Variants in KCNH1 observed in about 807,000 individuals in gnomAD.
The protein encoded by KCNH1 is potassium voltage-gated channel subfamily H member 1.
Under a neutral mutation model 69.2 loss-of-function variants are expected in KCNH1, and 27 were observed. The observed-to-expected ratio is 0.39, with a 90% confidence interval of 0.29 to 0.54. The LOEUF (loss-of-function observed/expected upper bound fraction) is 0.54. Ranked by LOEUF, KCNH1 falls within the 20% of genes least tolerant of loss-of-function variation. The pLI is 0.68. For missense variants in KCNH1, 798 were observed against 1,261.6 expected, an observed-to-expected ratio of 0.63 and a Z score of 5.57; for synonymous variants, 456 against 487.7, an observed-to-expected ratio of 0.93 and a Z score of 0.86.
intron 7 of KCNH1, among the ~76,000 whole-genome samples, chr1:210,897,616 A>G (rs1686899179): frequency 6.6e-6 from 1 of 152,210 alleles, no homozygotes; most frequent in African/African-American, 2.4e-5. Context: ...AGGATAATTT[A>G]CTGAGATCTT....
At chr1:210,995,757 C>G (rs1198661825) in intron 6 of KCNH1, among the ~76,000 whole-genome samples, 2 of 152,172 alleles carry the variant, frequency 1.3e-5, no homozygotes, top group African/African-American at 4.8e-5. Context: ...GTCAGGCCAA[C>G]AGAGATTTTG....
intron 1 of KCNH1, among the ~76,000 whole-genome samples, chr1:211,110,973 G>A (rs1268991598): frequency 6.6e-6 from 1 of 151,852 alleles, no homozygotes; most frequent in African/African-American, 2.4e-5. Flanking sequence ...ATGGGAGGAG[G>A]GACAAGGCAT....
chr1:210,874,302 A>G (rs985485067), intron 7 of KCNH1, among the ~76,000 whole-genome samples: 7 of 152,212 alleles, frequency 4.6e-5, no homozygotes, highest in African/African-American at 7.2e-5. Flanking sequence ...AAGACATCTC[A>G]CAATGTAAGA....
In KCNH1 at chr1:211,107,390, A is replaced by T; in HGVS notation, c.80-13T>A. The T allele has an allele frequency of 6.3e-7, 1 of 1,599,632 alleles. No homozygotes were observed. On this transcript the variant is annotated splice_polypyrimidine_tract_variant and intron_variant, in intron 1 of 10. Coordinates refer to ENST00000271751, the MANE Select transcript of KCNH1 (RefSeq NM_172362.3). ...ACAAAATTAGTATCTGTTAAAAAAA[A>T]AAAAAAGGGAAAAAAGGGCACATGA...
intron 7 of KCNH1, among the ~76,000 whole-genome samples, chr1:210,917,229 G>GAGAA (rs1187754589): frequency 0.034 from 2,697 of 78,562 alleles, 72 homozygotes; most frequent in Non-Finnish European, 0.04. Context: ...GAGAGAGAGA[G>GAGAA]AGAAAGAAAG....
intron 5 of KCNH1, among the ~76,000 whole-genome samples, chr1:211,030,651 G>C (rs563763352): frequency 6.6e-6 from 1 of 151,304 alleles, no homozygotes; most frequent in African/African-American, 2.4e-5. Flanking sequence ...AACTAAAAAA[G>C]TTTTTTTTAG....
intron 1 of KCNH1, 85 bp from the exon 2 acceptor site, chr1:211,107,462 C>G: frequency 7.4e-7 from 1 of 1,357,488 alleles, no homozygotes; most frequent in Non-Finnish European, 1.0e-6. Flanking sequence ...TAATGTCAAG[C>G]AATCCAGATA....
intron 7 of KCNH1, among the ~76,000 whole-genome samples, chr1:210,846,854 A>T (rs1166727284): frequency 6.6e-6 from 1 of 152,214 alleles, no homozygotes; most frequent in East Asian, 1.9e-4. Flanking sequence ...TAATATCCAG[A>T]ATCTACAATG....
intron 5 of KCNH1, among the ~76,000 whole-genome samples, chr1:211,037,767 A>G (rs1236630021): frequency 6.6e-6 from 1 of 152,068 alleles, no homozygotes; most frequent in Non-Finnish European, 1.5e-5. Flanking sequence ...ACCTTGTGAT[A>G]TGGTTTGGCT....
chr1:211,077,889 G>A (rs567577035), intron 5 of KCNH1, among the ~76,000 whole-genome samples: 1 of 151,582 alleles, frequency 6.6e-6, no homozygotes, highest in Admixed American at 6.6e-5. Flanking sequence ...ACACATATAG[G>A]CTCAAAATAA....
intron 6 of KCNH1, among the ~76,000 whole-genome samples, chr1:210,970,744 T>C (rs1048235265): frequency 7.2e-5 from 11 of 152,054 alleles, no homozygotes; most frequent in Admixed American, 7.2e-4. Flanking sequence ...GATTTTATGA[T>C]GAAATCACCA....
chr1:211,090,713 G>A (rs776247182), intron 3 of KCNH1, 23 bp from the exon 4 acceptor site: 2 of 1,590,296 alleles, frequency 1.3e-6, no homozygotes, highest in Admixed American at 1.9e-5. Context: ...TCAAAAGGTT[G>A]GTCAGTAATT....
intron 10 of KCNH1, among the ~76,000 whole-genome samples, chr1:210,765,634 G>C (rs1683614183): frequency 6.6e-6 from 1 of 152,142 alleles, no homozygotes; most frequent in African/African-American, 2.4e-5. Context: ...GAGGCTGAGA[G>C]ACCTCTACAA....
chr1:210,859,354 C>G (rs4951669), intron 7 of KCNH1: 958,344 of 1,523,668 alleles, frequency 0.63, 306,456 homozygotes, highest in African/African-American at 0.83. Context: ...ATGAGTCAGA[C>G]CCTGATCCCA....
At chr1:210,962,291 G>T (rs1688309777) in intron 6 of KCNH1, among the ~76,000 whole-genome samples, 1 of 152,122 alleles carries the variant, frequency 6.6e-6, no homozygotes, top group Admixed American at 6.6e-5. Context: ...TTGATTGTCT[G>T]ATACCTGATG....
chr1:211,122,536 T>C (rs576911043), intron 1 of KCNH1, among the ~76,000 whole-genome samples: 1 of 152,336 alleles, frequency 6.6e-6, no homozygotes, highest in East Asian at 1.9e-4. Flanking sequence ...TGCATGTTTA[T>C]TGCAGCACTA....
At chr1:210,825,033 A>G (rs1432929702) in intron 7 of KCNH1, among the ~76,000 whole-genome samples, 1 of 152,218 alleles carries the variant, frequency 6.6e-6, no homozygotes, top group African/African-American at 2.4e-5. Flanking sequence ...ACAGTTTTTC[A>G]TCACTCTAAT....
At chr1:210,907,952 T>C (rs1035698099) in intron 7 of KCNH1, among the ~76,000 whole-genome samples, 3 of 152,236 alleles carry the variant, frequency 2.0e-5, no homozygotes, top group Non-Finnish European at 4.4e-5. Context: ...CCTGCTACTG[T>C]GACTCTTTTC....
At chr1:211,106,662 G>C (rs1691354250) in intron 2 of KCNH1, among the ~76,000 whole-genome samples, 2 of 151,882 alleles carry the variant, frequency 1.3e-5, no homozygotes, top group Admixed American at 1.3e-4. Context: ...AGGTGTGGTG[G>C]CACGTGCCTG....
Sources: gnomAD v4.1 joint callset for allele counts (sites outside exome capture counted in the v4.1 genomes callset) on GRCh38, gnomAD v4.1.1 for gene constraint, MANE v1.5 for transcripts, NCBI Gene and HGNC (gene_info 2026-07-23, HGNC 2026-07-21) for gene names.